The following PTPRD variants were observed in gnomAD, a reference collection of about 807,000 sequenced individuals.
PTPRD encodes the protein receptor-type tyrosine-protein phosphatase delta.
A neutral mutation model predicts 214.5 loss-of-function variants in PTPRD; 34 were observed. The ratio of observed to expected loss-of-function variants is 0.16; its 90% CI spans 0.12 to 0.21. PTPRD has a LOEUF of 0.21. Among genes scored for constraint, PTPRD ranks in the 10% least tolerant of loss-of-function variants. PTPRD has a pLI of 1.00. For synonymous variants in PTPRD, 1,128 were observed against 845.7 expected (o/e 1.33, Z -5.79); for missense variants, 2,545 against 2,398.7 (o/e 1.06, Z -1.27).
intron 25 of PTPRD, 39 bp from the exon 26 acceptor site, chr9:8,497,307 A>C: frequency 6.5e-7 from 1 of 1,547,556 alleles, no homozygotes; most frequent in East Asian, 2.3e-5. Flanking sequence ...AAACAAAATA[A>C]AAAGAAAAAG....
At chr9:10,164,989 T>C (rs949043387) in intron 3 of PTPRD, among the ~76,000 whole-genome samples, 3 of 151,580 alleles carry the variant, frequency 2.0e-5, no homozygotes, top group African/African-American at 7.3e-5. Flanking sequence ...TCATTAAGGA[T>C]AAGAAAAGGG....
At chr9:9,779,097 A>G in intron 5 of PTPRD, among the ~76,000 whole-genome samples, 1 of 148,192 alleles carries the variant, frequency 6.7e-6, no homozygotes, top group African/African-American at 2.5e-5. Flanking sequence ...AAAAAAAAAA[A>G]AAAAAAAGCA....
intron 8 of PTPRD, among the ~76,000 whole-genome samples, chr9:9,452,446 G>A (rs977376901): frequency 1.3e-5 from 2 of 151,228 alleles, no homozygotes; most frequent in African/African-American, 4.8e-5. Flanking sequence ...AAAAAATACT[G>A]GTGAATGTAT....
chr9:9,483,343 G>A (rs547158808), intron 8 of PTPRD, among the ~76,000 whole-genome samples: 2 of 152,100 alleles, frequency 1.3e-5, no homozygotes, highest in Non-Finnish European at 2.9e-5. Context: ...ATACAATTTA[G>A]AGTCATTTAG....
intron 9 of PTPRD, among the ~76,000 whole-genome samples, chr9:9,242,159 G>A (rs984310583): frequency 2.2e-4 from 33 of 152,160 alleles, no homozygotes; most frequent in African/African-American, 7.5e-4. Context: ...CTTTAAGAAT[G>A]TTGAATATTG....
At chr9:8,883,586 C>G (rs1194926385) in intron 11 of PTPRD, among the ~76,000 whole-genome samples, 1 of 152,152 alleles carries the variant, frequency 6.6e-6, no homozygotes, top group East Asian at 1.9e-4. Flanking sequence ...TCTAAATGCA[C>G]TCTGACATGT....
At chr9:9,180,744 A>C (rs1348885864) in intron 10 of PTPRD, among the ~76,000 whole-genome samples, 1 of 152,114 alleles carries the variant, frequency 6.6e-6, no homozygotes, top group Non-Finnish European at 1.5e-5. Flanking sequence ...GGTGATCTTA[A>C]ATAATTGGAG....
At chr9:9,538,865 G>A (rs1036709488) in intron 8 of PTPRD, among the ~76,000 whole-genome samples, 11 of 151,540 alleles carry the variant, frequency 7.3e-5, no homozygotes, top group African/African-American at 2.2e-4. Context: ...TTTTTCTTTT[G>A]GAATATAATA....
Position 8,315,984 on chromosome 9 carries a change from G to T in PTPRD, c.*1890C>A. The T allele has an allele frequency of 4.4e-6, 1 of 227,138 alleles. No individual in the cohort carries two copies. The allele number at this position is 227,138 out of a possible 1,614,324, so 14.1% of individuals were successfully genotyped here. On this transcript the variant is annotated 3_prime_UTR_variant, in exon 46 of 46. Coordinates refer to ENST00000381196, the MANE Select transcript of PTPRD (RefSeq NM_002839.4). ...TTCCCCTTTTAGAAAAATCCTAATG[G>T]AATATCAAATATATTCCAAAGTTGC...
chr9:9,486,178 A>AAAAAAAAAAAAAAC (rs2095626596), intron 8 of PTPRD, among the ~76,000 whole-genome samples: 1 of 139,550 alleles, frequency 7.2e-6, no homozygotes, highest in Admixed American at 7.2e-5. Context: ...AAAAAAAAAA[A>AAAAAAAAAAAAAAC]AAAAAAAGCC....
chr9:9,575,899 T>A (rs559931852), intron 7 of PTPRD, among the ~76,000 whole-genome samples: 1 of 151,962 alleles, frequency 6.6e-6, no homozygotes, highest in Non-Finnish European at 1.5e-5. Context: ...TGATAGATAC[T>A]ATTTTATATG....
At chr9:9,271,492 G>C (rs904252009) in intron 9 of PTPRD, among the ~76,000 whole-genome samples, 1 of 151,134 alleles carries the variant, frequency 6.6e-6, no homozygotes, top group Admixed American at 6.6e-5. Flanking sequence ...ACAGCAAGTG[G>C]TAAAAAATCC....
intron 3 of PTPRD, among the ~76,000 whole-genome samples, chr9:10,102,214 A>G (rs904559381): frequency 2.0e-5 from 3 of 151,666 alleles, no homozygotes; most frequent in Non-Finnish European, 3.0e-5. Context: ...CTCATTTTAT[A>G]ATATGCATTA....
chr9:8,920,639 G>A (rs1354841242), intron 11 of PTPRD, among the ~76,000 whole-genome samples: 1 of 152,152 alleles, frequency 6.6e-6, no homozygotes, highest in African/African-American at 2.4e-5. Context: ...TTACAAATTT[G>A]TGTTGGGCCA....
At position 9,902,413 on chromosome 9, in the gene PTPRD, C is replaced by T. The variant is rs539202004; in HGVS notation, c.-368+36094G>A. 3.3e-5 allele frequency among the ~76,000 whole-genome samples: 5 copies of T among 152,086 alleles called. No individual in the cohort carries two copies. In the East Asian group the frequency reaches 9.7e-4, roughly 29 times the overall value. On this transcript the variant is annotated intron_variant, in intron 5 of 45. Transcript: ENST00000381196. ...TATGATTCTTTAGTTTCTTTTTCTG[C>T]CGGTGCTCTACTTTTGAATAAATAA...
chr9:10,140,489 G>C (rs771007179), intron 3 of PTPRD, among the ~76,000 whole-genome samples: 13 of 151,906 alleles, frequency 8.6e-5, no homozygotes, highest in Non-Finnish European at 1.8e-4. Context: ...AAATAAACTA[G>C]AAAATCTAGA....
chr9:8,341,149 C>T lies in PTPRD; in HGVS notation c.5067G>A (p.Gln1689=), dbSNP rs2132427840. The T allele has an allele frequency of 6.2e-7, 1 of 1,613,112 alleles. No individual in the cohort carries two copies. Among genetic ancestry groups the T allele is most frequent in the African/African-American group, 1.3e-5 (1 of 74,926 alleles). ...MPYESTRVCL[Q]PIRGVEGSDY... is the part of the protein sequence containing the mutation. The stretch of plus-strand genomic sequence containing the variant: ...CAGATCCTTCTACTCCACGGATAGG[C>T]TGCAGGCATACCCTTGTGGATTCAT... Residue 1689 remains glutamine (Q), a synonymous_variant, in exon 41 of 46, where the codon CAG becomes CAA. Transcript: ENST00000381196.
intron 3 of PTPRD, among the ~76,000 whole-genome samples, chr9:10,190,651 G>A (rs186231578): frequency 7.9e-6 from 1 of 126,300 alleles, no homozygotes; most frequent in Non-Finnish European, 1.6e-5. Context: ...CTGGAAGGCA[G>A]AAAGTACAGT....
At chr9:10,345,153 G>A (rs193217895) in intron 2 of PTPRD, among the ~76,000 whole-genome samples, 178 of 151,640 alleles carry the variant, frequency 1.2e-3, no homozygotes, top group Non-Finnish European at 2.1e-3. Context: ...TATTTACTGG[G>A]CAAATTCAAA....
Sources: allele counts gnomAD v4.1 joint callset (sites outside exome capture counted in the v4.1 genomes callset), GRCh38; gene constraint gnomAD v4.1.1; transcripts MANE v1.5; gene names NCBI Gene and HGNC (gene_info 2026-07-23, HGNC 2026-07-21).